FHIT: variants seen among roughly 807,000 people sequenced by gnomAD.
FHIT encodes the protein bis(5'-adenosyl)-triphosphatase.
In FHIT, 19 loss-of-function variants were observed where a neutral mutation model predicts 17.9. The ratio of observed to expected loss-of-function variants is 1.06; its 90% CI spans 0.74 to 1.56. The LOEUF (loss-of-function observed/expected upper bound fraction) is 1.56, where lower values mean the gene tolerates loss of function less well. FHIT is among the 40% of genes most tolerant of loss of function. The pLI is 0.00. For missense variants in FHIT, 248 were observed against 189.2 expected (o/e 1.31, Z -1.82); for synonymous variants, 81 against 69.7 (o/e 1.16, Z -0.81).
chr3:60,566,104 G>C (rs533614322), intron 4 of FHIT, among the ~76,000 whole-genome samples: 3 of 152,228 alleles, frequency 2.0e-5, no homozygotes, highest in African/African-American at 7.2e-5. Context: ...ATTCTAGTTT[G>C]ATTGCCCTGT....
chr3:60,066,184 C>T (rs774961622), intron 5 of FHIT, among the ~76,000 whole-genome samples: 11 of 151,928 alleles, frequency 7.2e-5, no homozygotes, highest in Non-Finnish European at 1.0e-4. Context: ...AGGGAAATCC[C>T]CAGGTTGTGA....
At chr3:59,841,337 A>G (rs1701526678) in intron 8 of FHIT, among the ~76,000 whole-genome samples, 1 of 152,180 alleles carries the variant, frequency 6.6e-6, no homozygotes, top group South Asian at 2.1e-4. Context: ...TGTAAGGTGG[A>G]TAGTGATTAG....
At chr3:59,812,341 A>C (rs1700436127) in intron 8 of FHIT, among the ~76,000 whole-genome samples, 1 of 152,176 alleles carries the variant, frequency 6.6e-6, no homozygotes, top group South Asian at 2.1e-4. Flanking sequence ...GGCCTTATAC[A>C]AGTCAGAAAG....
At chr3:60,443,285 C>T (rs995406437) in intron 5 of FHIT, among the ~76,000 whole-genome samples, 1 of 152,110 alleles carries the variant, frequency 6.6e-6, no homozygotes, top group African/African-American at 2.4e-5. Flanking sequence ...TGCTGATTGC[C>T]CTGGCCAGAA....
In FHIT at chr3:60,736,659, G is replaced by A. The variant is rs564479590; in HGVS notation, c.-18+85260C>T. ...TAGGAGGAGAGGAAGGACAGTGACT[G>A]TTAATGGCTAGGGGTTTCTTTTCAG... On this transcript the variant is annotated intron_variant, in intron 4 of 9. Coordinates refer to ENST00000492590, the MANE Select transcript of FHIT (RefSeq NM_002012.4). Among the ~76,000 whole-genome samples the A allele has an allele frequency of 1.4e-4, 22 of 152,318 alleles. No individual in the cohort carries two copies. The East Asian group carries it at 3.9e-3, about 27-fold the overall frequency.
At chr3:60,654,887 T>C (rs186264848) in intron 4 of FHIT, among the ~76,000 whole-genome samples, 14 of 151,120 alleles carry the variant, frequency 9.3e-5, no homozygotes, top group Non-Finnish European at 1.8e-4. Flanking sequence ...TGACCGAGAA[T>C]GGAAAGTGGA....
At chr3:59,773,479 G>T (rs560258768) in intron 8 of FHIT, among the ~76,000 whole-genome samples, 2 of 152,304 alleles carry the variant, frequency 1.3e-5, no homozygotes, top group South Asian at 4.1e-4. Context: ...TGCATGCTTT[G>T]ACTCACTTAA....
intron 8 of FHIT, among the ~76,000 whole-genome samples, chr3:59,766,531 G>A (rs927693548): frequency 6.6e-6 from 1 of 152,186 alleles, no homozygotes; most frequent in Non-Finnish European, 1.5e-5. Context: ...TTATGTCTGT[G>A]AGATAGTCAT....
intron 3 of FHIT, among the ~76,000 whole-genome samples, chr3:60,907,261 C>T (rs781882783): frequency 3.3e-5 from 5 of 152,196 alleles, no homozygotes; most frequent in Non-Finnish European, 5.9e-5. Context: ...AAGCAGGCAA[C>T]ATTACCTAGA....
At chr3:60,522,723 G>A (rs1395989207) in intron 5 of FHIT, among the ~76,000 whole-genome samples, 1 of 152,182 alleles carries the variant, frequency 6.6e-6, no homozygotes, top group African/African-American at 2.4e-5. Flanking sequence ...AGAATTCACA[G>A]AAAATCGCCT....
intron 5 of FHIT, among the ~76,000 whole-genome samples, chr3:60,187,509 A>G (rs766176368): frequency 3.9e-5 from 6 of 152,158 alleles, no homozygotes; most frequent in Non-Finnish European, 8.8e-5. Flanking sequence ...AATGCAGAAT[A>G]TTTGATCCTA....
At chr3:59,915,810 T>C (rs1346129765) in intron 8 of FHIT, among the ~76,000 whole-genome samples, 3 of 152,166 alleles carry the variant, frequency 2.0e-5, no homozygotes, top group Non-Finnish European at 2.9e-5. Context: ...TATGTGCCTG[T>C]AGTCCTAGCC....
chr3:60,491,939 C>T (rs1459761811), intron 5 of FHIT, among the ~76,000 whole-genome samples: 1 of 152,080 alleles, frequency 6.6e-6, no homozygotes, highest in Non-Finnish European at 1.5e-5. Flanking sequence ...ACATGTTTGG[C>T]TAGCATAAAA....
rs534740202 is a variant in FHIT at position 61,021,183 on chromosome 3, C to G, written c.-111+20864G>C. Among the ~76,000 whole-genome samples, 10 of 152,298 alleles carry G rather than the reference C, an allele frequency of 6.6e-5. No individual in the cohort carries two copies. The South Asian group carries it at 2.1e-3, about 32-fold the overall frequency. On this transcript the variant is annotated intron_variant, in intron 3 of 9. Transcript: ENST00000492590. Reference sequence around the variant, plus strand: ...TCAGCTCTGGACCAAGCAGACCTAACAGACATCTACAGAACTCTCCACCCC... The same window carrying G: ...TCAGCTCTGGACCAAGCAGACCTAAGAGACATCTACAGAACTCTCCACCCC...
intron 3 of FHIT, among the ~76,000 whole-genome samples, chr3:60,874,715 G>T (rs549242047): frequency 6.6e-6 from 1 of 152,076 alleles, no homozygotes; most frequent in Non-Finnish European, 1.5e-5. Context: ...CCTCCCATCT[G>T]CAGTCTCAAC....
chr3:60,500,422 T>G (rs901215337), intron 5 of FHIT, among the ~76,000 whole-genome samples: 3 of 152,236 alleles, frequency 2.0e-5, no homozygotes, highest in Non-Finnish European at 4.4e-5. Context: ...ATTAAAATTC[T>G]ATGGCCCAAA....
At chr3:60,531,821 C>T (rs1341705749) in intron 5 of FHIT, among the ~76,000 whole-genome samples, 3 of 152,206 alleles carry the variant, frequency 2.0e-5, no homozygotes, top group African/African-American at 7.2e-5. Context: ...GGTCTGAAAA[C>T]GGGGGAAACT....
chr3:59,832,690 ATTTG>A lies in FHIT; in HGVS notation c.349-80373_349-80370del, dbSNP rs1701206187. ...ACAGACTCATAAATGAGAAATAAATATTTGTTTATTTGGGGGTTGTTTGTTACTG... is the reference window on the plus strand; with the variant it reads ...ACAGACTCATAAATGAGAAATAAATATTTATTTGGGGGTTGTTTGTTACTG... On this transcript the variant is annotated intron_variant, in intron 8 of 9. Transcript: ENST00000492590. Among the ~76,000 whole-genome samples, 3 of 152,264 alleles carry A rather than the reference ATTTG, an allele frequency of 2.0e-5. No individual in the cohort carries two copies. In the South Asian group the frequency reaches 6.2e-4, roughly 32 times the overall value.
At chr3:59,892,905 G>A (rs148436952) in intron 8 of FHIT, among the ~76,000 whole-genome samples, 37 of 152,062 alleles carry the variant, frequency 2.4e-4, no homozygotes, top group Admixed American at 9.8e-4. Context: ...CTTGAAAAGC[G>A]TTTTCATACT....
Sources: allele counts gnomAD v4.1 joint callset (sites outside exome capture counted in the v4.1 genomes callset), GRCh38; gene constraint gnomAD v4.1.1; transcripts MANE v1.5; gene names NCBI Gene and HGNC (gene_info 2026-07-23, HGNC 2026-07-21).